The following NTSR1 variants were observed in gnomAD, a reference collection of about 807,000 sequenced individuals.
NTSR1 encodes the protein neurotensin receptor type 1.
Under a neutral mutation model 31.2 loss-of-function variants are expected in NTSR1, and 29 were observed. The observed-to-expected ratio is 0.93, with a 90% confidence interval of 0.69 to 1.27. The LOEUF (loss-of-function observed/expected upper bound fraction) is 1.27. Ranked by LOEUF, NTSR1 falls within the 50% of genes most tolerant of loss-of-function variation. NTSR1 has a pLI of 0.00. For missense variants in NTSR1, 697 were observed against 595.4 expected, an observed-to-expected ratio of 1.17 and a Z score of -1.78; for synonymous variants, 282 against 269.9, an observed-to-expected ratio of 1.04 and a Z score of -0.44.
chr20:62,721,170 A>AT (rs1243240323), intron 1 of NTSR1, among the ~76,000 whole-genome samples: 2 of 152,126 alleles, frequency 1.3e-5, no homozygotes, highest in Non-Finnish European at 2.9e-5. Context: ...TAATTCTAGA[A>AT]TTTTTATTGG....
At position 62,752,734 on chromosome 20, in the gene NTSR1, T is replaced by A. The variant is rs182622066; in HGVS notation, c.715-1951T>A. Among the ~76,000 whole-genome samples, 75 of 152,268 alleles carry A rather than the reference T, an allele frequency of 4.9e-4. No homozygotes were observed. In the East Asian group the frequency reaches 0.014, roughly 29 times the overall value. ...TAAACTATCCCCGGGCTGCGGTGAC[T>A]CACAGGGAATGGGTTTATCTCCTGA... On this transcript the variant is annotated intron_variant, in intron 1 of 3. Transcript: ENST00000370501.
At position 62,715,188 on chromosome 20, in the gene NTSR1, C is replaced by G. The variant is rs561641823; in HGVS notation, c.714+5267C>G. ...TAAAGAATTTGGCGTATGAAATCAC[C>G]GTTCAGATGGTGACTCTGAGGCTGT... On this transcript the variant is annotated intron_variant, in intron 1 of 3. Coordinates refer to ENST00000370501, the MANE Select transcript of NTSR1 (RefSeq NM_002531.3). The surrounding 1 kb of genome is among the most constrained non-coding windows in gnomAD (Gnocchi z 4.7). Among the ~76,000 whole-genome samples the G allele has an allele frequency of 6.6e-6, 1 of 152,278 alleles. No homozygotes were observed. The highest frequency in any genetic ancestry group is 1.9e-4 in the East Asian group (1 of 5,192).
intron 1 of NTSR1, among the ~76,000 whole-genome samples, chr20:62,725,469 C>G (rs2427419): frequency 0.91 from 138,464 of 152,046 alleles, 63,244 homozygotes; most frequent in East Asian, 1. Flanking sequence ...GTCTCCCCCC[C>G]GCTGCCTTCC....
At chr20:62,722,384 G>C (rs1403810098) in intron 1 of NTSR1, among the ~76,000 whole-genome samples, 1 of 152,116 alleles carries the variant, frequency 6.6e-6, no homozygotes, top group Non-Finnish European at 1.5e-5. Flanking sequence ...CATCTCTGTT[G>C]GCTGCTTCAT....
chr20:62,760,006 C>G lies in NTSR1; in HGVS notation c.1008-12C>G, dbSNP rs757932779. 1.2e-6 allele frequency: 2 copies of G among 1,612,118 alleles called. No individual in the cohort carries two copies. The highest frequency in any genetic ancestry group is 1.7e-6 in the Non-Finnish European group (2 of 1,178,324). On this transcript the variant is annotated splice_polypyrimidine_tract_variant and intron_variant, in intron 3 of 3. Coordinates refer to ENST00000370501, the MANE Select transcript of NTSR1 (RefSeq NM_002531.3). ...TTCTCTCTGGGATCTGAGCGCCTCT[C>G]TCTCCCCGCAGGTTCCTCTATGACT... is the stretch of plus-strand genomic sequence containing the variant.
In NTSR1 at chr20:62,758,446, C is replaced by G; in HGVS notation, c.1007+90C>G. 8.3e-7 allele frequency: 1 copy of G among 1,204,240 alleles called. No individual in the cohort carries two copies. Among genetic ancestry groups the G allele is most frequent in the African/African-American group, 1.5e-5 (1 of 67,444 alleles). 74.6% of individuals were successfully genotyped at this position (1,204,240 alleles called of 1,614,324 possible). A position where few individuals can be genotyped will look rare whatever the true frequency, so the allele number is the denominator to read the frequency against. Reference sequence around the variant, plus strand: ...TGTGGCAGGCACTGCTGAGGGGATCCACTCAGGGCAGGGGTGTGGTGAGTC... The same window carrying G: ...TGTGGCAGGCACTGCTGAGGGGATCGACTCAGGGCAGGGGTGTGGTGAGTC... On this transcript the variant is annotated intron_variant, in intron 3 of 3. Coordinates refer to ENST00000370501, the MANE Select transcript of NTSR1 (RefSeq NM_002531.3). The surrounding 1 kb of genome is among the most constrained non-coding windows in gnomAD (Gnocchi z 4.5).
chr20:62,750,499 G>A (rs533899771), intron 1 of NTSR1, among the ~76,000 whole-genome samples: 2 of 152,164 alleles, frequency 1.3e-5, no homozygotes, highest in East Asian at 3.9e-4. Flanking sequence ...GACCATCCTG[G>A]CTAACATGGT....
chr20:62,754,565 G>A, intron 1 of NTSR1, 120 bp from the exon 2 acceptor site: 4 of 821,208 alleles, frequency 4.9e-6, no homozygotes, highest in Non-Finnish European at 8.2e-6. Flanking sequence ...CTGAACTTGT[G>A]TTGACTGAGC....
rs1236690515 is a variant in NTSR1 at position 62,760,414 on chromosome 20, C to A, written c.*147C>A. 5 of 770,588 alleles carry A rather than the reference C, an allele frequency of 6.5e-6. No individual in the cohort carries two copies. In the African/African-American group the frequency reaches 9.0e-5, roughly 14 times the overall value. 47.7% of individuals were successfully genotyped at this position (770,588 alleles called of 1,614,324 possible). A position where few individuals can be genotyped will look rare whatever the true frequency, so the allele number is the denominator to read the frequency against. ...TCTGAGGCCTGGGACCCCCCCCTCCCACCCCCTAACCCATGTTTCTCATTA... is the reference window on the plus strand; with the variant it reads ...TCTGAGGCCTGGGACCCCCCCCTCCAACCCCCTAACCCATGTTTCTCATTA... On this transcript the variant is annotated 3_prime_UTR_variant, in exon 4 of 4. Transcript: ENST00000370501.
intron 1 of NTSR1, among the ~76,000 whole-genome samples, chr20:62,752,207 C>T (rs377113471): frequency 5.4e-4 from 82 of 152,332 alleles, no homozygotes; most frequent in African/African-American, 1.7e-3. Context: ...CACCTCCCCT[C>T]ACCCCCAGCA....
chr20:62,725,462 T>TC (rs910950826), intron 1 of NTSR1, among the ~76,000 whole-genome samples: 2 of 151,758 alleles, frequency 1.3e-5, no homozygotes, highest in African/African-American at 4.8e-5. Context: ...CGGCCCCGTC[T>TC]CCCCCCCGCT....
In NTSR1 at chr20:62,743,906, G is replaced by A. The variant is rs1458909144; in HGVS notation, c.715-10779G>A. 6.6e-6 allele frequency among the ~76,000 whole-genome samples: 1 copy of A among 152,170 alleles called. No individual in the cohort carries two copies. The highest frequency in any genetic ancestry group is 1.5e-5 in the Non-Finnish European group (1 of 68,026). ...CTGTCTGGCTGTGCCCTCACCTGTGGGCAGGCATACCGTGTGCACCCCTCC... is the reference window on the plus strand; with the variant it reads ...CTGTCTGGCTGTGCCCTCACCTGTGAGCAGGCATACCGTGTGCACCCCTCC... On this transcript the variant is annotated intron_variant, in intron 1 of 3. Coordinates refer to ENST00000370501, the MANE Select transcript of NTSR1 (RefSeq NM_002531.3). This position sits in a 1 kb window ranked among gnomAD's most constrained non-coding sequence, Gnocchi z 7.5.
chr20:62,746,138 GC>G (rs1989296562), intron 1 of NTSR1, among the ~76,000 whole-genome samples: 2 of 152,272 alleles, frequency 1.3e-5, no homozygotes, highest in South Asian at 4.1e-4. Flanking sequence ...CAAGGCTGCC[GC>G]CCGGCGGGTC....
intron 1 of NTSR1, among the ~76,000 whole-genome samples, chr20:62,713,266 CA>C (rs2147131293): frequency 6.6e-6 from 1 of 152,338 alleles, no homozygotes; most frequent in East Asian, 1.9e-4. Context: ...GTACAAACAG[CA>C]GTGCTCTTCG....
intron 3 of NTSR1, 91 bp from the exon 4 acceptor site, chr20:62,759,927 C>T (rs976903469): frequency 7.8e-6 from 10 of 1,290,250 alleles, no homozygotes; most frequent in Admixed American, 3.8e-5. Context: ...TGAGCCACCA[C>T]GTCCCTCAGC....
In NTSR1 at chr20:62,760,126, C is replaced by A. The variant is rs1989590983; in HGVS notation, c.1116C>A (p.Arg372=). Residue 372 remains arginine, a synonymous_variant, in exon 4 of 4, where the codon CGC becomes CGA. Coordinates refer to ENST00000370501, the MANE Select transcript of NTSR1 (RefSeq NM_002531.3). ...ACAACCTCGTCTCTGCCAACTTCCG[C>A]CACATCTTCCTGGCCACACTGGCCT... ...ILYNLVSANF[R]HIFLATLACL... is the part of the protein sequence containing the mutation. The A allele has an allele frequency of 6.2e-7, 1 of 1,614,186 alleles. No homozygotes were observed. Among genetic ancestry groups the A allele is most frequent in the Non-Finnish European group, 8.5e-7 (1 of 1,180,036 alleles).
rs145036258 is a variant in NTSR1, at chr20:62,742,915, T to C, written c.715-11770T>C. The stretch of plus-strand genomic sequence containing the variant: ...GGTGTGGCCGTGGGGTTCCTGTTCA[T>C]CCCAGGGCACCTGTCACGGGACATA... On this transcript the variant is annotated intron_variant, in intron 1 of 3. Transcript: ENST00000370501. This position sits in a 1 kb window ranked among gnomAD's most constrained non-coding sequence, Gnocchi z 7.1. Among the ~76,000 whole-genome samples, 70 of 149,566 alleles carry C rather than the reference T, an allele frequency of 4.7e-4. 2 individuals are homozygous for C. Among genetic ancestry groups the C allele is most frequent in the Middle Eastern group, 3.4e-3 (1 of 294 alleles).
chr20:62,716,808 G>A (rs149491645), intron 1 of NTSR1, among the ~76,000 whole-genome samples: 2 of 152,332 alleles, frequency 1.3e-5, no homozygotes, highest in East Asian at 3.9e-4. Context: ...CCTGCACGAG[G>A]CTAGCTCTGC....
At chr20:62,754,346 GC>G (rs1302722213) in intron 1 of NTSR1, among the ~76,000 whole-genome samples, 2 of 152,232 alleles carry the variant, frequency 1.3e-5, no homozygotes, top group Non-Finnish European at 2.9e-5. Context: ...GGAACCTAGA[GC>G]CTAGGGCCTT....
Sources: gnomAD v4.1 joint callset for allele counts (sites outside exome capture counted in the v4.1 genomes callset) on GRCh38, gnomAD v4.1.1 for gene constraint, Gnocchi (gnomAD v3.1) non-coding constraint, MANE v1.5 for transcripts, NCBI Gene and HGNC (gene_info 2026-07-23, HGNC 2026-07-21) for gene names.